The following ASTN1 variants were observed in gnomAD, a reference collection of about 807,000 sequenced individuals.
The protein encoded by ASTN1 is astrotactin-1.
In ASTN1, 41 loss-of-function variants were observed where a neutral mutation model predicts 140.7. The ratio of observed to expected loss-of-function variants is 0.29; its 90% CI spans 0.23 to 0.38. The LOEUF (loss-of-function observed/expected upper bound fraction) is 0.38, where lower values mean the gene tolerates loss of function less well. ASTN1 is among the 10% of genes least tolerant of loss of function. ASTN1 has a pLI of 1.00. For missense variants in ASTN1, 1,479 were observed against 1,678.8 expected (o/e 0.88, Z 2.08); for synonymous variants, 640 against 652.2 (o/e 0.98, Z 0.29).
intron 8 of ASTN1, among the ~76,000 whole-genome samples, chr1:176,997,563 G>A (rs953167718): frequency 2.0e-5 from 3 of 151,986 alleles, no homozygotes; most frequent in Non-Finnish European, 2.9e-5. Flanking sequence ...ACATCACAGA[G>A]GAGGTGATGT....
chr1:177,109,063 G>A lies in ASTN1; in HGVS notation c.284-47798C>T, dbSNP rs185810528. 3.2e-4 allele frequency among the ~76,000 whole-genome samples: 48 copies of A among 152,216 alleles called. 1 individual carries two copies. Among genetic ancestry groups the A allele is most frequent in the African/African-American group, 8.9e-4 (37 of 41,540 alleles). On this transcript the variant is annotated intron_variant, in intron 1 of 22. Coordinates refer to ENST00000361833, the MANE Select transcript of ASTN1 (RefSeq NM_004319.3). ...ACAGAGTGCAGAGTTATCTGAGTCC[G>A]AAGAACACTTAGAATAGATAAAGGG...
At chr1:176,997,501 G>T (rs193157826) in intron 8 of ASTN1, among the ~76,000 whole-genome samples, 2 of 152,166 alleles carry the variant, frequency 1.3e-5, no homozygotes, top group East Asian at 3.9e-4. Flanking sequence ...CTCAGAGGAG[G>T]TGATGGGTTG....
At chr1:177,105,415 T>C (rs1680502802) in intron 1 of ASTN1, among the ~76,000 whole-genome samples, 2 of 152,098 alleles carry the variant, frequency 1.3e-5, no homozygotes, top group African/African-American at 4.8e-5. Context: ...ACATCTTCTT[T>C]CTCTTCTTAG....
chr1:176,878,402 C>T (rs1668653886), intron 20 of ASTN1, among the ~76,000 whole-genome samples: 2 of 152,012 alleles, frequency 1.3e-5, no homozygotes, highest in African/African-American at 2.4e-5. Flanking sequence ...GGTCTTCTCA[C>T]CCTTGTCTCC....
intron 2 of ASTN1, among the ~76,000 whole-genome samples, chr1:177,054,625 A>C (rs1216999056): frequency 6.6e-6 from 1 of 152,238 alleles, no homozygotes; most frequent in East Asian, 1.9e-4. Context: ...CTATGGTAAC[A>C]AATTAGATAC....
intron 9 of ASTN1, 96 bp downstream of exon 9, chr1:176,965,067 C>T: frequency 1.7e-6 from 2 of 1,200,248 alleles, no homozygotes; most frequent in South Asian, 1.3e-5. Context: ...AAGGTGTTTC[C>T]TATTTTATAC....
At chr1:176,982,170 C>T (rs1392711171) in intron 8 of ASTN1, among the ~76,000 whole-genome samples, 1 of 152,116 alleles carries the variant, frequency 6.6e-6, no homozygotes, top group Non-Finnish European at 1.5e-5. Flanking sequence ...GACTGGCCAA[C>T]CTGAAGAAAA....
At chr1:177,119,726 G>A (rs1400575447) in intron 1 of ASTN1, among the ~76,000 whole-genome samples, 1 of 152,188 alleles carries the variant, frequency 6.6e-6, no homozygotes, top group African/African-American at 2.4e-5. Flanking sequence ...GTGTGAATGT[G>A]TTTAATGTCT....
chr1:177,141,767 G>A (rs1682480779), intron 1 of ASTN1, among the ~76,000 whole-genome samples: 1 of 152,200 alleles, frequency 6.6e-6, no homozygotes, highest in African/African-American at 2.4e-5. Flanking sequence ...AGCTGGTCCT[G>A]AAGCTAGGTG....
At chr1:177,127,104 G>T (rs1184438509) in intron 1 of ASTN1, among the ~76,000 whole-genome samples, 2 of 151,878 alleles carry the variant, frequency 1.3e-5, no homozygotes, top group African/African-American at 4.8e-5. Context: ...ATGCAGGTAG[G>T]TCACACTCAC....
At chr1:176,936,169 G>T in intron 15 of ASTN1, 97 bp downstream of exon 15, 1 of 1,038,568 alleles carries the variant, frequency 9.6e-7, no homozygotes. Context: ...CTACATTTTA[G>T]GCTGCATCTT....
chr1:176,946,219 G>A, intron 12 of ASTN1, 99 bp from the exon 13 acceptor site: 4 of 1,122,718 alleles, frequency 3.6e-6, no homozygotes, highest in South Asian at 2.2e-5. Context: ...TTGACAGCAT[G>A]TTGGATCACC....
intron 5 of ASTN1, among the ~76,000 whole-genome samples, chr1:177,025,410 G>A (rs1676055007): frequency 6.6e-6 from 1 of 152,152 alleles, no homozygotes; most frequent in East Asian, 1.9e-4. Context: ...AGGGAGGGAA[G>A]AGTGTTTTGT....
chr1:176,969,320 T>A (rs528732537), intron 8 of ASTN1, among the ~76,000 whole-genome samples: 24 of 152,198 alleles, frequency 1.6e-4, no homozygotes, highest in African/African-American at 4.6e-4. Flanking sequence ...CTAAGACACA[T>A]GGTGGAGATG....
At position 177,029,721 on chromosome 1, in the gene ASTN1, G is replaced by C. The variant is rs1420457525; in HGVS notation, c.1033C>G (p.Pro345Ala). The C allele has an allele frequency of 6.2e-7, 1 of 1,612,452 alleles. No individual in the cohort carries two copies. ...GCCTCTGTGCCAGAATCCCCTTCAG[G>C]GTTCAAGAAGGCGGAACCAGCTGTA... ...KARAGSAFLNPEGDSGTEAEN... is the reference protein window; with the variant it reads ...KARAGSAFLNAEGDSGTEAEN... The change falls in exon 5 of 23, where the codon CCT becomes GCT. Residue 345 changes from proline (P) to alanine (A), a missense_variant. By Grantham distance (27) the Pro-to-Ala change is conservative. Transcript: ENST00000361833.
chr1:177,092,423 TACAA>T (rs750349083), intron 1 of ASTN1, among the ~76,000 whole-genome samples: 6 of 152,232 alleles, frequency 3.9e-5, no homozygotes, highest in Non-Finnish European at 8.8e-5. Context: ...ATACATGATT[TACAA>T]ATATTTTCTC....
At chr1:177,111,619 CT>C (rs1273499036) in intron 1 of ASTN1, among the ~76,000 whole-genome samples, 1 of 152,140 alleles carries the variant, frequency 6.6e-6, no homozygotes, top group Non-Finnish European at 1.5e-5. Context: ...TTGATTATTG[CT>C]CTAAATGATG....
At chr1:176,958,731 G>C (rs751232186) in intron 9 of ASTN1, among the ~76,000 whole-genome samples, 1 of 152,194 alleles carries the variant, frequency 6.6e-6, no homozygotes, top group Non-Finnish European at 1.5e-5. Context: ...TTTTTATCAA[G>C]TCATAAAAAG....
intron 1 of ASTN1, among the ~76,000 whole-genome samples, chr1:177,141,655 A>C (rs1396181751): frequency 1.3e-5 from 2 of 152,206 alleles, no homozygotes; most frequent in African/African-American, 4.8e-5. Context: ...AATGTTAAGC[A>C]AGCATCTTGA....
Sources: allele counts gnomAD v4.1 joint callset (sites outside exome capture counted in the v4.1 genomes callset), GRCh38; gene constraint gnomAD v4.1.1; transcripts MANE v1.5; gene names NCBI Gene and HGNC (gene_info 2026-07-23, HGNC 2026-07-21).